Variants in OR14I1 observed in about 807,000 individuals in gnomAD.
The protein encoded by OR14I1 is olfactory receptor family 14 subfamily I member 1.
For missense variants in OR14I1, 279 were observed against 181.8 expected (o/e 1.53, Z -3.07); for synonymous variants, 118 against 71.1 (o/e 1.66, Z -3.32).
At chr1:248,687,716 C>T in the OR14I1 span, among the ~76,000 whole-genome samples, 3 of 152,184 alleles carry the variant, frequency 2.0e-5, no homozygotes, top group African/African-American at 7.2e-5. Flanking sequence ...TGTGAACAAG[C>T]TTTTATGGGC....
the OR14I1 span, among the ~76,000 whole-genome samples, chr1:248,691,595 T>C: frequency 1.3e-5 from 2 of 152,222 alleles, no homozygotes; most frequent in African/African-American, 4.8e-5. Flanking sequence ...TCGTCAGAAC[T>C]GTGGAACTAG....
chr1:248,681,730 A>G (rs775544849), exon 1 of OR14I1: 12 of 780,954 alleles, frequency 1.5e-5, no homozygotes, highest in Non-Finnish European at 2.6e-5. Flanking sequence ...AAACTCTACA[A>G]AGAAAACCTC....
the OR14I1 span, among the ~76,000 whole-genome samples, chr1:248,697,732 G>A: frequency 2.0e-5 from 3 of 152,252 alleles, no homozygotes; most frequent in South Asian, 2.1e-4. Flanking sequence ...GTGGTGAGCC[G>A]AGATTGCTCC....
chr1:248,689,299 T>C, the OR14I1 span, among the ~76,000 whole-genome samples: 2 of 152,156 alleles, frequency 1.3e-5, no homozygotes, highest in Non-Finnish European at 2.9e-5. Context: ...TTCTTATACA[T>C]AAAATATGCT....
downstream of OR14I1, among the ~76,000 whole-genome samples, chr1:248,680,998 G>GTGTGTA (rs1661549488): frequency 6.6e-6 from 1 of 151,320 alleles, no homozygotes; most frequent in Non-Finnish European, 1.5e-5. Flanking sequence ...GTGTGTGTAT[G>GTGTGTA]TGTGTGTCCT....
chr1:248,695,437 G>A, the OR14I1 span, among the ~76,000 whole-genome samples: 1 of 151,978 alleles, frequency 6.6e-6, no homozygotes, highest in Non-Finnish European at 1.5e-5. Flanking sequence ...GTTTCAACGT[G>A]TTAGCCAGGA....
chr1:248,692,384 C>G, the OR14I1 span, among the ~76,000 whole-genome samples: 1 of 152,270 alleles, frequency 6.6e-6, no homozygotes, highest in African/African-American at 2.4e-5. Flanking sequence ...GCATTCCCAA[C>G]TGCATCCCCC....
At chr1:248,681,543 G>C (rs996162930) in exon 1 of OR14I1, 6 of 780,910 alleles carry the variant, frequency 7.7e-6, no homozygotes, top group African/African-American at 5.1e-5. Flanking sequence ...AGGCAGCAAA[G>C]AGCCCTGTGG....
chr1:248,684,003 G>T (rs1661603820), upstream of OR14I1, among the ~76,000 whole-genome samples: 1 of 151,396 alleles, frequency 6.6e-6, no homozygotes, highest in Non-Finnish European at 1.5e-5. Flanking sequence ...CTGCACTCCA[G>T]CCTGGGCAAT....
At chr1:248,681,837 G>C (rs1356743074) in exon 1 of OR14I1, 4 of 780,948 alleles carry the variant, frequency 5.1e-6, no homozygotes, top group Non-Finnish European at 7.2e-6. Flanking sequence ...TGCCAGTGTG[G>C]ACGGCTGCGT....
upstream of OR14I1, among the ~76,000 whole-genome samples, chr1:248,685,980 C>T (rs182826307): frequency 3.7e-4 from 56 of 151,884 alleles, no homozygotes; most frequent in African/African-American, 1.2e-3. Context: ...AAATATTAGG[C>T]AAATTGATGT....
chr1:248,688,647 C>T, the OR14I1 span, among the ~76,000 whole-genome samples: 2 of 152,166 alleles, frequency 1.3e-5, no homozygotes, highest in African/African-American at 2.4e-5. Flanking sequence ...TTCAAGATTG[C>T]AAGACTGAAT....
chr1:248,682,429 C>T (rs1319663685), upstream of OR14I1: 1 of 588,972 alleles, frequency 1.7e-6, no homozygotes, highest in Non-Finnish European at 3.0e-6. Context: ...CACTGGACAT[C>T]TTCCACACTG....
At chr1:248,686,266 A>AAAT (rs1459410335), upstream of OR14I1, among the ~76,000 whole-genome samples, 3 of 152,210 alleles carry the variant, frequency 2.0e-5, no homozygotes, top group Non-Finnish European at 4.4e-5. Flanking sequence ...GGGAACCTAC[A>AAAT]AATACATTTT....
chr1:248,682,380 G>C (rs1033166090), upstream of OR14I1: 2 of 644,944 alleles, frequency 3.1e-6, no homozygotes, highest in East Asian at 5.1e-5. Context: ...AGTGAACACA[G>C]TGTGGTAGGA....
the OR14I1 span, among the ~76,000 whole-genome samples, chr1:248,700,094 G>C: frequency 2.0e-5 from 3 of 152,170 alleles, no homozygotes; most frequent in African/African-American, 7.2e-5. Flanking sequence ...TCACCCAGGA[G>C]CTTTAAATTA....
At chr1:248,698,514 C>T in the OR14I1 span, among the ~76,000 whole-genome samples, 26,829 of 151,982 alleles carry the variant, frequency 0.18, 2,788 homozygotes, top group African/African-American at 0.29. Context: ...TACAGGATAC[C>T]CCTAACAAAG....
At chr1:248,688,120 A>T in the OR14I1 span, among the ~76,000 whole-genome samples, 8 of 152,234 alleles carry the variant, frequency 5.3e-5, no homozygotes, top group African/African-American at 1.9e-4. Flanking sequence ...TTTTAAATAG[A>T]TACCTATTAA....
chr1:248,699,957 C>T, the OR14I1 span, among the ~76,000 whole-genome samples: 14 of 152,156 alleles, frequency 9.2e-5, no homozygotes, highest in Non-Finnish European at 1.6e-4. Flanking sequence ...TGGGGTTTCA[C>T]CATGATGTTA....
Sources: allele counts gnomAD v4.1 joint callset (sites outside exome capture counted in the v4.1 genomes callset), GRCh38; gene constraint gnomAD v4.1.1; transcripts MANE v1.5; gene names NCBI Gene and HGNC (gene_info 2026-07-23, HGNC 2026-07-21).